Variants in PML observed in about 807,000 individuals in gnomAD.
PML encodes the protein PML nuclear body scaffold.
A neutral mutation model predicts 65.2 loss-of-function variants in PML; 28 were observed. The ratio of observed to expected loss-of-function variants is 0.43; its 90% confidence interval spans 0.32 to 0.59. The LOEUF is 0.59. Among genes scored for constraint, PML ranks in the 20% least tolerant of loss-of-function variants. PML has a pLI of 0.08. For missense variants in PML, 1,021 were observed against 1,203.4 expected (o/e 0.85, Z 2.24); for synonymous variants, 500 against 508.8 (o/e 0.98, Z 0.23).
At chr15:73,998,581 G>A (rs549301075) in intron 2 of PML, 105 bp downstream of exon 2, 1 of 983,020 alleles carries the variant, frequency 1.0e-6, no homozygotes, top group African/African-American at 1.6e-5. Context: ...GGAGCTTCTG[G>A]GGCCTTGCAA....
At chr15:73,997,623 G>A (rs1336192051) in intron 1 of PML, among the ~76,000 whole-genome samples, 1 of 152,104 alleles carries the variant, frequency 6.6e-6, no homozygotes, top group Non-Finnish European at 1.5e-5. Context: ...GAATTTCTGG[G>A]TCATATTGTT....
In PML at chr15:74,045,222, T is replaced by G; in HGVS notation, c.*214T>G. 1 of 565,802 alleles carries G rather than the reference T, an allele frequency of 1.8e-6. No homozygotes were observed. Among genetic ancestry groups the G allele is most frequent in the Non-Finnish European group, 3.1e-6 (1 of 320,902 alleles). The allele number at this position is 565,802 out of a possible 1,614,324, so 35.0% of individuals were successfully genotyped here. A position where few individuals can be genotyped will look rare whatever the true frequency, so the allele number is the denominator to read the frequency against. ...AGCTGAGCACCCATCACCCTAGGTG[T>G]GCACCAGACTCCTATTAGCCCCTCC... On this transcript the variant is annotated 3_prime_UTR_variant, in exon 9 of 9. Transcript: ENST00000268058.
chr15:74,036,596 G>A (rs146237819), intron 7 of PML, among the ~76,000 whole-genome samples: 13 of 152,140 alleles, frequency 8.5e-5, no homozygotes, highest in African/African-American at 2.9e-4. Context: ...GCCCCTTCCT[G>A]GCCGTCTGGT....
intron 3 of PML, 145 bp from the exon 4 acceptor site, chr15:74,024,712 G>A (rs2070997227): frequency 1.4e-6 from 1 of 705,100 alleles, no homozygotes; most frequent in African/African-American, 1.7e-5. Context: ...TGCCCCTCCA[G>A]GGAGTTGTCC....
rs2071766943 is a variant in PML at position 74,046,001 on chromosome 15, G to C, written c.*993G>C. 1 of 232,646 alleles carries C rather than the reference G, an allele frequency of 4.3e-6. No homozygotes were observed. The highest frequency in any genetic ancestry group is 8.5e-6 in the Non-Finnish European group (1 of 117,744). 14.4% of individuals were successfully genotyped at this position (232,646 alleles called of 1,614,324 possible). ...TAGACTGCTCCTCCAAGGGGAAGCA[G>C]TGTGGAACAGCAGAGAAAGTCCCGT... is the stretch of plus-strand genomic sequence containing the variant. On this transcript the variant is annotated 3_prime_UTR_variant, in exon 9 of 9. Transcript: ENST00000268058.
chr15:74,029,289 A>T (rs1018525251), intron 4 of PML, among the ~76,000 whole-genome samples: 2 of 152,148 alleles, frequency 1.3e-5, no homozygotes, highest in Admixed American at 1.3e-4. Context: ...ATCTTAACTT[A>T]TAGTATATAC....
At chr15:74,014,534 C>A (rs140145704) in intron 2 of PML, among the ~76,000 whole-genome samples, 1 of 151,752 alleles carries the variant, frequency 6.6e-6, no homozygotes, top group Admixed American at 6.6e-5. Flanking sequence ...GAGGCCGAGG[C>A]GGGTGGATCA....
intron 2 of PML, among the ~76,000 whole-genome samples, chr15:74,005,178 G>C (rs915940438): frequency 6.6e-6 from 1 of 151,702 alleles, no homozygotes; most frequent in Non-Finnish European, 1.5e-5. Flanking sequence ...TCAGCCTCCC[G>C]AGTAGCTGGG....
intron 2 of PML, among the ~76,000 whole-genome samples, chr15:74,010,218 A>G (rs1055207535): frequency 9.4e-5 from 5 of 53,334 alleles, no homozygotes; most frequent in African/African-American, 3.4e-4. Context: ...TTTTTTGTAG[A>G]GATGGGCTTT....
At chr15:74,029,226 G>C (rs1177968602) in intron 4 of PML, among the ~76,000 whole-genome samples, 2 of 151,576 alleles carry the variant, frequency 1.3e-5, no homozygotes, top group Non-Finnish European at 2.9e-5. Context: ...TGTGTGAGGT[G>C]GGTTAAACTC....
At chr15:74,019,603 A>C (rs2070745144) in intron 2 of PML, among the ~76,000 whole-genome samples, 3 of 152,222 alleles carry the variant, frequency 2.0e-5, no homozygotes, top group African/African-American at 7.2e-5. Flanking sequence ...AATACAATCA[A>C]CTATGAAGAT....
intron 2 of PML, among the ~76,000 whole-genome samples, chr15:74,012,909 A>G (rs1458283346): frequency 6.6e-6 from 1 of 152,130 alleles, no homozygotes; most frequent in Non-Finnish European, 1.5e-5. Context: ...TTACTCTGAT[A>G]CTTGAATAAT....
Position 73,994,894 on chromosome 15 carries a change from A to C in PML, c.82A>C (p.Thr28Pro), listed in dbSNP as rs28504405. 2,361 of 1,546,602 alleles carry C rather than the reference A, an allele frequency of 1.5e-3. 38 individuals carry two copies. The African/African-American group carries it at 0.028, about 19-fold the overall frequency. The change falls in exon 1 of 9, where the codon ACC becomes CCC. Residue 28 changes from threonine to proline, a missense_variant. Transcript: ENST00000268058. ...GGAGCCCACCATGCCTCCCCCCGAG[A>C]CCCCCTCTGAAGGCCGCCAGCCCAG... ...PQEPTMPPPE[T>P]PSEGRQPSPS...
chr15:74,020,774 T>C (rs140324299), intron 2 of PML, among the ~76,000 whole-genome samples: 350 of 152,260 alleles, frequency 2.3e-3, no homozygotes, highest in Non-Finnish European at 3.2e-3. Flanking sequence ...TTTCCCAGCT[T>C]CTAGAGGCTG....
Position 74,043,339 on chromosome 15 carries a change from T to G in PML, c.1861+200T>G, listed in dbSNP as rs1595923217. 1 of 1,457,276 alleles carries G rather than the reference T, an allele frequency of 6.9e-7. No homozygotes were observed. The highest frequency in any genetic ancestry group is 2.5e-5 in the East Asian group (1 of 40,408). 90.3% of individuals were successfully genotyped at this position (1,457,276 alleles called of 1,614,324 possible). On this transcript the variant is annotated intron_variant, in intron 8 of 8. Transcript: ENST00000268058. This position sits in a 1 kb window ranked among gnomAD's most constrained non-coding sequence, Gnocchi z 4.3. ...GGCTTGAATAAAGATGTCCGCCTTATCCAGTGCCTGAGTGTGCGAGAGAGG... is the reference window on the plus strand; with the variant it reads ...GGCTTGAATAAAGATGTCCGCCTTAGCCAGTGCCTGAGTGTGCGAGAGAGG...
At chr15:74,024,748 A>G in intron 3 of PML, 109 bp from the exon 4 acceptor site, 1 of 820,570 alleles carries the variant, frequency 1.2e-6, no homozygotes, top group Non-Finnish European at 2.1e-6. Context: ...CCTGGAAAAT[A>G]GGTATCCTGG....
chr15:74,035,314 A>T lies in PML; in HGVS notation c.1710+784A>T. On this transcript the variant is annotated intron_variant, in intron 7 of 8. Coordinates refer to ENST00000268058, the MANE Select transcript of PML (RefSeq NM_033238.3). This position sits in a 1 kb window ranked among gnomAD's most constrained non-coding sequence, Gnocchi z 4.1. ...TCCAGCCTGCCCTGTGGCACATACCACCCCCCAGCTTGGCCTCCCCACCAG... is the reference window on the plus strand; with the variant it reads ...TCCAGCCTGCCCTGTGGCACATACCTCCCCCCAGCTTGGCCTCCCCACCAG... 6.2e-7 allele frequency: 1 copy of T among 1,610,388 alleles called. No individual in the cohort carries two copies. Among genetic ancestry groups the T allele is most frequent in the African/African-American group, 1.3e-5 (1 of 74,130 alleles).
In PML at chr15:74,035,567, C is replaced by G. The variant is rs1035953351; in HGVS notation, c.1710+1037C>G. On this transcript the variant is annotated intron_variant, in intron 7 of 8. Coordinates refer to ENST00000268058, the MANE Select transcript of PML (RefSeq NM_033238.3). The surrounding 1 kb of genome is among the most constrained non-coding windows in gnomAD (Gnocchi z 4.1). ...GCACTCCTGCCATCACAGGGCCCCT[C>G]AACCATCCTGCCAATGCCCAGGAAC... 6.2e-7 allele frequency: 1 copy of G among 1,611,410 alleles called. No individual in the cohort carries two copies. The highest frequency in any genetic ancestry group is 1.7e-5 in the Admixed American group (1 of 60,018).
intron 4 of PML, chr15:74,027,622 C>T (rs1457520246): frequency 6.6e-6 from 1 of 152,234 alleles, no homozygotes; most frequent in African/African-American, 2.4e-5. Flanking sequence ...ACTCAGCTGT[C>T]TTCCAGATGC....
Sources: allele counts gnomAD v4.1 joint callset (sites outside exome capture counted in the v4.1 genomes callset), GRCh38; gene constraint gnomAD v4.1.1; non-coding constraint Gnocchi (gnomAD v3.1); transcripts MANE v1.5; gene names NCBI Gene and HGNC (gene_info 2026-07-23, HGNC 2026-07-21).